The following TMEFF1 variants were observed in gnomAD, a reference collection of about 807,000 sequenced individuals.
TMEFF1 encodes tomoregulin-1.
In TMEFF1, 20 loss-of-function variants were observed where a neutral mutation model predicts 47.5. The observed-to-expected ratio is 0.42, with a 90% CI of 0.30 to 0.61. TMEFF1 has a LOEUF of 0.61. Ranked by LOEUF, TMEFF1 falls within the 20% of genes least tolerant of loss-of-function variation. TMEFF1 has a pLI of 0.19. For synonymous variants in TMEFF1, 162 were observed against 166.3 expected (o/e 0.97, Z 0.20); for missense variants, 411 against 471.1 (o/e 0.87, Z 1.18).
chr9:100,545,543 A>G (rs370082068), intron 5 of TMEFF1, among the ~76,000 whole-genome samples: 1 of 152,206 alleles, frequency 6.6e-6, no homozygotes, highest in South Asian at 2.1e-4. Flanking sequence ...AGGGGCTGCC[A>G]TGAAGACCTC....
chr9:100,547,588 T>C (rs978404889), intron 5 of TMEFF1, among the ~76,000 whole-genome samples, 156 bp from the exon 6 acceptor site: 3 of 152,246 alleles, frequency 2.0e-5, no homozygotes, highest in African/African-American at 7.2e-5. Context: ...AAAATTTTTT[T>C]AGGTATTTAC....
chr9:100,534,585 C>T (rs893974076), intron 5 of TMEFF1, among the ~76,000 whole-genome samples: 2 of 152,168 alleles, frequency 1.3e-5, no homozygotes, highest in African/African-American at 2.4e-5. Flanking sequence ...TCATATTTTC[C>T]TCCTTCGCTC....
chr9:100,497,318 G>GTGTTTTTTTTT (rs1328828062), intron 1 of TMEFF1, among the ~76,000 whole-genome samples: 1 of 84,880 alleles, frequency 1.2e-5, no homozygotes, highest in African/African-American at 4.8e-5. Context: ...TTCCACTCAT[G>GTGTTTTTTTTT]TCTTTTTTTT....
chr9:100,482,174 C>CTTCTT (rs970018625), intron 1 of TMEFF1, among the ~76,000 whole-genome samples: 1 of 151,220 alleles, frequency 6.6e-6, no homozygotes, highest in Admixed American at 6.6e-5. Flanking sequence ...TCTTCTTCTT[C>CTTCTT]TTCTTTTCTT....
chr9:100,570,208 C>T (rs1839206860), intron 8 of TMEFF1, among the ~76,000 whole-genome samples: 1 of 152,030 alleles, frequency 6.6e-6, no homozygotes, highest in Non-Finnish European at 1.5e-5. Flanking sequence ...AAATCCATAT[C>T]TTAGCTATTG....
At chr9:100,480,043 CTGTT>C (rs1431769755) in intron 1 of TMEFF1, among the ~76,000 whole-genome samples, 20 of 152,112 alleles carry the variant, frequency 1.3e-4, no homozygotes, top group African/African-American at 4.3e-4. Context: ...TATTGTCTGT[CTGTT>C]TGATTTTGGC....
At chr9:100,509,240 G>T in intron 3 of TMEFF1, 106 bp downstream of exon 3, 1 of 1,338,300 alleles carries the variant, frequency 7.5e-7, no homozygotes, top group Admixed American at 3.7e-5. Flanking sequence ...GTGTGGATTG[G>T]TGGTGGTTGT....
chr9:100,499,760 A>T (rs1286206917), intron 2 of TMEFF1, among the ~76,000 whole-genome samples: 2 of 152,184 alleles, frequency 1.3e-5, no homozygotes, highest in Non-Finnish European at 2.9e-5. Flanking sequence ...TACTTATGAT[A>T]CTGTAAATGA....
At chr9:100,523,353 G>A (rs925207229) in intron 5 of TMEFF1, among the ~76,000 whole-genome samples, 1 of 152,032 alleles carries the variant, frequency 6.6e-6, no homozygotes, top group South Asian at 2.1e-4. Context: ...TCCCTCCTTG[G>A]TCTTGAAAAA....
intron 5 of TMEFF1, among the ~76,000 whole-genome samples, chr9:100,527,259 A>G (rs1838279291): frequency 5.9e-5 from 9 of 152,242 alleles, no homozygotes; most frequent in Admixed American, 5.9e-4. Flanking sequence ...GAATAGGAAC[A>G]GCTCCGGTCT....
At chr9:100,545,411 A>G (rs1426057423) in intron 5 of TMEFF1, among the ~76,000 whole-genome samples, 3 of 152,228 alleles carry the variant, frequency 2.0e-5, no homozygotes, top group African/African-American at 7.2e-5. Context: ...CCCAAGCTCT[A>G]CATTGGTCCC....
At chr9:100,516,846 C>T (rs987986830) in intron 5 of TMEFF1, 75 bp downstream of exon 5, 4 of 1,514,414 alleles carry the variant, frequency 2.6e-6, no homozygotes, top group South Asian at 1.3e-5. Context: ...GGAAAGGTAT[C>T]ATTTACCTGG....
chr9:100,496,648 G>A (rs1029137449), intron 1 of TMEFF1, among the ~76,000 whole-genome samples: 2 of 152,198 alleles, frequency 1.3e-5, no homozygotes, highest in African/African-American at 4.8e-5. Context: ...GTGACTCCTG[G>A]TGGCAGGGAT....
intron 8 of TMEFF1, among the ~76,000 whole-genome samples, chr9:100,570,113 C>T (rs1564030004): frequency 6.6e-6 from 1 of 152,030 alleles, no homozygotes; most frequent in Non-Finnish European, 1.5e-5. Flanking sequence ...ATAGGATTTC[C>T]TTCTTTTTTA....
chr9:100,490,880 T>C (rs144830769), intron 1 of TMEFF1, among the ~76,000 whole-genome samples: 42 of 151,756 alleles, frequency 2.8e-4, no homozygotes, highest in African/African-American at 9.9e-4. Context: ...TGTATGTGTG[T>C]ATGTGTGTAT....
At chr9:100,559,087 T>A (rs1188597403) in intron 7 of TMEFF1, among the ~76,000 whole-genome samples, 1 of 151,982 alleles carries the variant, frequency 6.6e-6, no homozygotes, top group Non-Finnish European at 1.5e-5. Context: ...ATGTTAGGAG[T>A]TATACAGAAA....
chr9:100,503,164 C>G (rs1181318703), intron 2 of TMEFF1, among the ~76,000 whole-genome samples: 1 of 152,050 alleles, frequency 6.6e-6, no homozygotes, highest in Non-Finnish European at 1.5e-5. Flanking sequence ...ATTCAGCATG[C>G]TTTTAGTGCT....
At chr9:100,503,319 T>G (rs1364158474) in intron 2 of TMEFF1, among the ~76,000 whole-genome samples, 1 of 152,124 alleles carries the variant, frequency 6.6e-6, no homozygotes, top group Non-Finnish European at 1.5e-5. Flanking sequence ...TTTTGCTAAT[T>G]TGGTATATAG....
chr9:100,535,131 A>G (rs560927603), intron 5 of TMEFF1, among the ~76,000 whole-genome samples: 1 of 152,148 alleles, frequency 6.6e-6, no homozygotes, highest in Non-Finnish European at 1.5e-5. Flanking sequence ...CCATCCATCT[A>G]TATATATATT....
Sources: gnomAD v4.1 joint callset for allele counts (sites outside exome capture counted in the v4.1 genomes callset) on GRCh38, gnomAD v4.1.1 for gene constraint, MANE v1.5 for transcripts, NCBI Gene and HGNC (gene_info 2026-07-23, HGNC 2026-07-21) for gene names.